MELTF: variants seen among roughly 807,000 people sequenced by gnomAD.
The protein encoded by MELTF is melanotransferrin, also known as antigen p97 (melanoma associated) identified by monoclonal antibodies 133.2 and 96.5.
MELTF carries 67 observed loss-of-function variants against 83.7 expected under a neutral mutation model. The ratio of observed to expected loss-of-function variants is 0.80; its 90% CI spans 0.66 to 0.98. MELTF has a LOEUF of 0.98. Ranked by LOEUF, MELTF falls within the 50% of genes least tolerant of loss-of-function variation. MELTF has a pLI of 0.00. For synonymous variants in MELTF, 462 were observed against 447.6 expected (o/e 1.03, Z -0.41); for missense variants, 1,002 against 1,035.6 (o/e 0.97, Z 0.44).
At position 197,029,785 on chromosome 3, in the gene MELTF, TCC is replaced by T. The variant is rs1341560244; in HGVS notation, c.-85_-84del. 1.0e-6 allele frequency: 1 copy of T among 984,952 alleles called. No individual in the cohort carries two copies. Among genetic ancestry groups the T allele is most frequent in the Non-Finnish European group, 1.3e-6 (1 of 764,032 alleles). The allele number at this position is 984,952 out of a possible 1,614,324, so 61.0% of individuals were successfully genotyped here. ...CGCAGCAGCCGGGCTTCCTCCCTGC[TCC>T]CCCTCGCGCTGGCCCGAGCTCCTTA... On this transcript the variant is annotated 5_prime_UTR_variant, in exon 1 of 16. Transcript: ENST00000296350. This position sits in a 1 kb window ranked among gnomAD's most constrained non-coding sequence, Gnocchi z 6.5.
chr3:197,017,680 ATCCT>A (rs1377781038), intron 6 of MELTF, among the ~76,000 whole-genome samples: 1 of 152,172 alleles, frequency 6.6e-6, no homozygotes, highest in East Asian at 1.9e-4. Flanking sequence ...GATCAAGACC[ATCCT>A]GGCTAACACG....
At chr3:197,017,315 A>G (rs1251032803) in intron 6 of MELTF, 25 bp from the exon 7 acceptor site, 3 of 1,500,626 alleles carry the variant, frequency 2.0e-6, no homozygotes, top group Admixed American at 2.2e-5. Flanking sequence ...GCCTGGGCTG[A>G]GCCAGCTCCG....
chr3:197,018,058 C>T (rs898149294), intron 6 of MELTF, among the ~76,000 whole-genome samples: 4 of 152,300 alleles, frequency 2.6e-5, no homozygotes, highest in Non-Finnish European at 4.4e-5. Context: ...CTAGAGAGGA[C>T]GGGGGATCTC....
At chr3:197,010,890 G>A in intron 9 of MELTF, 96 bp from the exon 10 acceptor site, 1 of 1,101,128 alleles carries the variant, frequency 9.1e-7, no homozygotes. Context: ...GTCTCTTGGG[G>A]TTTGTGGCCT....
Position 197,006,439 on chromosome 3 carries a change from G to C in MELTF, c.1938+110C>G. 1.1e-6 allele frequency: 1 copy of C among 935,494 alleles called. No homozygotes were observed. Among genetic ancestry groups the C allele is most frequent in the Non-Finnish European group, 1.5e-6 (1 of 655,888 alleles). The allele number at this position is 935,494 out of a possible 1,614,324, so 57.9% of individuals were successfully genotyped here. A position where few individuals can be genotyped will look rare whatever the true frequency, so the allele number is the denominator to read the frequency against. On this transcript the variant is annotated intron_variant, in intron 14 of 15. Transcript: ENST00000296350. The surrounding 1 kb of genome is among the most constrained non-coding windows in gnomAD (Gnocchi z 5.4). ...AAGTGAAAATCACAGAATTTCCCCCGGGCTTCCTCAATTTCTCTAGAGGTC... is the reference window on the plus strand; with the variant it reads ...AAGTGAAAATCACAGAATTTCCCCCCGGCTTCCTCAATTTCTCTAGAGGTC...
chr3:197,003,783 G>A lies in MELTF; in HGVS notation c.2137+118C>T, dbSNP rs926868081. Reference sequence around the variant, plus strand: ...CCTCCCGGGACACCCCACCTGGACTGCTGCGAACGGGCCTCCACCCGCCTC... The same window carrying A: ...CCTCCCGGGACACCCCACCTGGACTACTGCGAACGGGCCTCCACCCGCCTC... On this transcript the variant is annotated intron_variant, in intron 15 of 15. Coordinates refer to ENST00000296350, the MANE Select transcript of MELTF (RefSeq NM_005929.6). The surrounding 1 kb of genome is among the most constrained non-coding windows in gnomAD (Gnocchi z 6.2). 7.3e-6 allele frequency: 8 copies of A among 1,097,466 alleles called. No individual in the cohort carries two copies. The Admixed American group carries it at 1.7e-4, about 23-fold the overall frequency. The allele number at this position is 1,097,466 out of a possible 1,614,324, so 68.0% of individuals were successfully genotyped here. A position where few individuals can be genotyped will look rare whatever the true frequency, so the allele number is the denominator to read the frequency against.
At chr3:197,025,187 C>A (rs770425474) in intron 3 of MELTF, among the ~76,000 whole-genome samples, 5 of 152,248 alleles carry the variant, frequency 3.3e-5, no homozygotes, top group Non-Finnish European at 5.9e-5. Context: ...GAGGGTCTCC[C>A]ATCGCACGGG....
At chr3:197,017,393 G>A (rs1719426812) in intron 6 of MELTF, 103 bp from the exon 7 acceptor site, 1 of 1,096,804 alleles carries the variant, frequency 9.1e-7, no homozygotes. Context: ...GGGTGTCATG[G>A]ACATGAGAAC....
chr3:197,003,160 C>T lies in MELTF; in HGVS notation c.*212G>A, dbSNP rs925763269. On this transcript the variant is annotated 3_prime_UTR_variant, in exon 16 of 16. Transcript: ENST00000296350. The surrounding 1 kb of genome is among the most constrained non-coding windows in gnomAD (Gnocchi z 6.2). Reference sequence around the variant, plus strand: ...CCGCGCGGCTCCAGGTGGCGGGAGGCGGCGGTTGGCGGGAAGGGCCGCGCG... The same window carrying T: ...CCGCGCGGCTCCAGGTGGCGGGAGGTGGCGGTTGGCGGGAAGGGCCGCGCG... 2.3e-5 allele frequency: 8 copies of T among 343,402 alleles called. No homozygotes were observed. The highest frequency in any genetic ancestry group is 3.3e-5 in the Non-Finnish European group (8 of 241,824). The allele number at this position is 343,402 out of a possible 1,614,324, so 21.3% of individuals were successfully genotyped here.
intron 6 of MELTF, chr3:197,019,689 T>C: frequency 6.2e-7 from 1 of 1,613,998 alleles, no homozygotes; most frequent in Non-Finnish European, 8.5e-7. Context: ...CGGGAGCCCA[T>C]TTCCAGGCTT....
At chr3:197,012,213 A>T (rs1471306458) in intron 9 of MELTF, among the ~76,000 whole-genome samples, 1 of 152,146 alleles carries the variant, frequency 6.6e-6, no homozygotes, top group Non-Finnish European at 1.5e-5. Flanking sequence ...AGAAGTGTGA[A>T]GACAGGGCTG....
At position 197,008,922 on chromosome 3, in the gene MELTF, G is replaced by A. The variant is rs531418085; in HGVS notation, c.1569C>T (p.Asn523=). Residue 523 remains asparagine (N), a synonymous_variant, in exon 12 of 16, where the codon AAC becomes AAT. Coordinates refer to ENST00000296350, the MANE Select transcript of MELTF (RefSeq NM_005929.6). The surrounding 1 kb of genome is among the most constrained non-coding windows in gnomAD (Gnocchi z 5.4). ...FFNASCVPVN[N]PKNYPSSLCA... ...ACAGCGAGGAGGGGTAGTTCTTGGG[G>A]TTGTTCACGGGCACGCAGCTGGCAT... The A allele has an allele frequency of 1.9e-6, 3 of 1,614,120 alleles. No homozygotes were observed. The highest frequency in any genetic ancestry group is 1.3e-5 in the African/African-American group (1 of 75,044).
In MELTF at chr3:197,021,384, C is replaced by T. The variant is rs145619917; in HGVS notation, c.712+20G>A. 9.3e-4 allele frequency: 1,498 copies of T among 1,613,480 alleles called. 5 individuals carry two copies. The highest frequency in any genetic ancestry group is 2.3e-3 in the South Asian group (208 of 91,042). ...GCCTGACTCCCTGCTCCTCTGGGCC[C>T]GTGCCCCTCCCCCACTCACCATCCG... On this transcript the variant is annotated intron_variant, in intron 6 of 15. Coordinates refer to ENST00000296350, the MANE Select transcript of MELTF (RefSeq NM_005929.6).
rs1458616959 is a variant in MELTF at position 197,002,131 on chromosome 3, G to A, written c.*1241C>T. On this transcript the variant is annotated 3_prime_UTR_variant, in exon 16 of 16. Transcript: ENST00000296350. The stretch of plus-strand genomic sequence containing the variant: ...CATGGCTACAGCCGGGGCGCTGCCA[G>A]GGCCTCCTCTGCGGCTGAGAGATGG... The A allele has an allele frequency of 6.6e-6, 1 of 152,126 alleles. No homozygotes were observed. The highest frequency in any genetic ancestry group is 1.5e-5 in the Non-Finnish European group (1 of 68,066). The allele number at this position is 152,126 out of a possible 1,614,324, so 9.4% of individuals were successfully genotyped here. A position where few individuals can be genotyped will look rare whatever the true frequency, so the allele number is the denominator to read the frequency against.
At chr3:197,015,086 C>A (rs1328783403) in intron 9 of MELTF, among the ~76,000 whole-genome samples, 1 of 152,214 alleles carries the variant, frequency 6.6e-6, no homozygotes, top group Non-Finnish European at 1.5e-5. Flanking sequence ...CCTGGCACCC[C>A]CACTTAGTGA....
chr3:197,023,280 C>T (rs560256263), intron 4 of MELTF, among the ~76,000 whole-genome samples, 167 bp from the exon 5 acceptor site: 4 of 152,274 alleles, frequency 2.6e-5, no homozygotes, highest in African/African-American at 9.6e-5. Context: ...ATCAGTGACC[C>T]CCAAACCGGG....
At chr3:197,019,878 T>C in intron 6 of MELTF, 1 of 1,469,084 alleles carries the variant, frequency 6.8e-7, no homozygotes, top group Non-Finnish European at 9.1e-7. Context: ...TCAGACGTCC[T>C]GGGAGACGCA....
intron 1 of MELTF, chr3:197,028,290 C>G (rs1017448799): frequency 1.0e-5 from 2 of 192,654 alleles, no homozygotes; most frequent in Non-Finnish European, 2.2e-5. Context: ...AGAGGGTGCT[C>G]GTGTAGGTTC....
rs1464831919 is a variant in MELTF, at chr3:197,003,401, C to A, written c.2188G>T (p.Ala730Ser). 9.2e-7 allele frequency: 1 copy of A among 1,085,496 alleles called. No individual in the cohort carries two copies. The allele number at this position is 1,085,496 out of a possible 1,614,324, so 67.2% of individuals were successfully genotyped here. ...AGGGCGGGCGGGAGCAGGCGGGCGGCGAGGGCGGGCAGCAGCAGCGGGAGC... is the reference window on the plus strand; with the variant it reads ...AGGGCGGGCGGGAGCAGGCGGGCGGAGAGGGCGGGCAGCAGCAGCGGGAGC... The part of the protein sequence containing the change: ...PLLPLLLPAL[A>S]ARLLPPAL Residue 730 changes from alanine to serine, a missense_variant, in exon 16 of 16, where the codon GCC becomes TCC. By Grantham distance (99) the Ala-to-Ser change is moderately conservative (BLOSUM62 1). Coordinates refer to ENST00000296350, the MANE Select transcript of MELTF (RefSeq NM_005929.6). This position sits in a 1 kb window ranked among gnomAD's most constrained non-coding sequence, Gnocchi z 6.2.
Sources: allele counts gnomAD v4.1 joint callset (sites outside exome capture counted in the v4.1 genomes callset), GRCh38; gene constraint gnomAD v4.1.1; non-coding constraint Gnocchi (gnomAD v3.1); transcripts MANE v1.5; gene names NCBI Gene and HGNC (gene_info 2026-07-23, HGNC 2026-07-21).